Variants in THSD7A observed in about 807,000 individuals in gnomAD.
The protein encoded by THSD7A is thrombospondin type 1 domain containing 7A, also known as thrombospondin type-1 domain-containing protein 7A.
Under a neutral mutation model 231.3 loss-of-function variants are expected in THSD7A, and 96 were observed. The observed-to-expected ratio is 0.41, with a 90% CI of 0.35 to 0.49. THSD7A has a LOEUF of 0.49. Among genes scored for constraint, THSD7A ranks in the 20% least tolerant of loss-of-function variants. THSD7A has a pLI of 0.05. For missense variants in THSD7A, 2,290 were observed against 2,070.2 expected (o/e 1.11, Z -2.06); for synonymous variants, 940 against 743.3 (o/e 1.26, Z -4.30).
intron 1 of THSD7A, among the ~76,000 whole-genome samples, chr7:11,809,474 C>CT (rs1784475288): frequency 6.6e-6 from 1 of 152,206 alleles, no homozygotes; most frequent in Non-Finnish European, 1.5e-5. Flanking sequence ...AAGGACCTTT[C>CT]TTTTTTTGTG....
chr7:11,681,590 T>A (rs1783872363), intron 1 of THSD7A, among the ~76,000 whole-genome samples: 1 of 151,802 alleles, frequency 6.6e-6, no homozygotes, highest in African/African-American at 2.4e-5. Flanking sequence ...AAGACAAAAT[T>A]TTCTGAGAAC....
At chr7:11,667,407 G>A (rs1783183054) in intron 1 of THSD7A, among the ~76,000 whole-genome samples, 1 of 151,934 alleles carries the variant, frequency 6.6e-6, no homozygotes, top group Non-Finnish European at 1.5e-5. Flanking sequence ...CCTACAACAC[G>A]AGCGTTTGTA....
At chr7:11,385,726 T>A (rs1473667866) in intron 23 of THSD7A, 14 of 152,124 alleles carry the variant, frequency 9.2e-5, no homozygotes, top group Admixed American at 9.2e-4. Flanking sequence ...GTAACTTTAT[T>A]TTTAACTGGT....
chr7:11,726,214 G>A (rs906877881), intron 1 of THSD7A, among the ~76,000 whole-genome samples: 1 of 151,910 alleles, frequency 6.6e-6, no homozygotes, highest in Non-Finnish European at 1.5e-5. Context: ...TTTGGCAGCT[G>A]GAACCAGAGT....
In THSD7A at chr7:11,632,496, T is replaced by C. The variant is rs1781689061; in HGVS notation, c.1022+3634A>G. Among the ~76,000 whole-genome samples the C allele has an allele frequency of 6.6e-6, 1 of 152,168 alleles. No homozygotes were observed. The highest frequency in any genetic ancestry group is 1.5e-5 in the Non-Finnish European group (1 of 68,024). ...TATATTTTCAATTGATTAGCTGGAG[T>C]ATTCCAGAATTATCGTAACATCTGA... is the stretch of plus-strand genomic sequence containing the variant. On this transcript the variant is annotated intron_variant, in intron 2 of 27. Coordinates refer to ENST00000423059, the MANE Select transcript of THSD7A (RefSeq NM_015204.3). This position sits in a 1 kb window ranked among gnomAD's most constrained non-coding sequence, Gnocchi z 4.1.
chr7:11,397,537 C>A (rs749330379), intron 23 of THSD7A, among the ~76,000 whole-genome samples: 1 of 152,102 alleles, frequency 6.6e-6, no homozygotes, highest in Non-Finnish European at 1.5e-5. Flanking sequence ...AAAGCAATGG[C>A]CACAAAAGCC....
chr7:11,427,213 A>G (rs944713071), intron 14 of THSD7A, among the ~76,000 whole-genome samples: 2 of 152,194 alleles, frequency 1.3e-5, no homozygotes, highest in Non-Finnish European at 2.9e-5. Flanking sequence ...GTAAACACCT[A>G]TGTGATTTAC....
rs1784768282 is a variant in THSD7A at position 11,440,448 on chromosome 7, T to C, written c.3064+5613A>G. ...ATACTTGCCATAGTTATTCCTCCAA[T>C]GGATCCAGGCAAAGTATATTGAAAA... On this transcript the variant is annotated intron_variant, in intron 13 of 27. Transcript: ENST00000423059. Among the ~76,000 whole-genome samples the C allele has an allele frequency of 2.0e-5, 3 of 151,980 alleles. No homozygotes were observed. The South Asian group carries it at 6.2e-4, about 31-fold the overall frequency.
rs187175488 is a variant in THSD7A at position 11,632,692 on chromosome 7, G to A, written c.1022+3438C>T. Reference sequence around the variant, plus strand: ...TTCTAATGTTTCACAGTTGAGCACCGTCCCAGCTTTCAGTCTGATGTCTCT... The same window carrying A: ...TTCTAATGTTTCACAGTTGAGCACCATCCCAGCTTTCAGTCTGATGTCTCT... On this transcript the variant is annotated intron_variant, in intron 2 of 27. Transcript: ENST00000423059. The surrounding 1 kb of genome is among the most constrained non-coding windows in gnomAD (Gnocchi z 4.1). 9.9e-5 allele frequency among the ~76,000 whole-genome samples: 15 copies of A among 152,084 alleles called. No individual in the cohort carries two copies. The highest frequency in any genetic ancestry group is 3.6e-4 in the African/African-American group (15 of 41,502).
chr7:11,405,631 G>C (rs1335397130), intron 22 of THSD7A, among the ~76,000 whole-genome samples: 3 of 151,978 alleles, frequency 2.0e-5, no homozygotes, highest in Non-Finnish European at 4.4e-5. Flanking sequence ...GCTTATCACT[G>C]TCTGCCATTT....
At chr7:11,718,035 A>G (rs976490103) in intron 1 of THSD7A, among the ~76,000 whole-genome samples, 1 of 151,630 alleles carries the variant, frequency 6.6e-6, no homozygotes, top group African/African-American at 2.4e-5. Flanking sequence ...GATTATCACA[A>G]ATATATATGC....
intron 2 of THSD7A, 144 bp from the exon 3 acceptor site, chr7:11,593,646 TA>T: frequency 1.0e-6 from 1 of 995,114 alleles, no homozygotes; most frequent in Non-Finnish European, 1.5e-6. Flanking sequence ...CATCAACATT[TA>T]TGATGTGGAA....
At chr7:11,510,398 C>G (rs993946717) in intron 6 of THSD7A, among the ~76,000 whole-genome samples, 10 of 152,132 alleles carry the variant, frequency 6.6e-5, no homozygotes, top group East Asian at 3.9e-4. Context: ...AACAGAAAAA[C>G]AGGGAATCCT....
intron 4 of THSD7A, among the ~76,000 whole-genome samples, chr7:11,572,758 A>G (rs1288645398): frequency 6.6e-6 from 1 of 152,002 alleles, no homozygotes; most frequent in African/African-American, 2.4e-5. Context: ...CTCCTGCCTC[A>G]GCCTCCCAGA....
Position 11,700,976 on chromosome 7 carries a change from C to A in THSD7A, c.191-64015G>T, listed in dbSNP as rs565635192. ...ATTTAATTTTATTAATTTTATTTTA[C>A]AAGAAAACAAAAACTATCCTCCTTC... On this transcript the variant is annotated intron_variant, in intron 1 of 27. Coordinates refer to ENST00000423059, the MANE Select transcript of THSD7A (RefSeq NM_015204.3). Among the ~76,000 whole-genome samples the A allele has an allele frequency of 5.8e-4, 87 of 151,264 alleles. 2 individuals carry two copies. In the South Asian group the frequency reaches 0.014, roughly 23 times the overall value.
chr7:11,801,302 G>T (rs1784269129), intron 1 of THSD7A, among the ~76,000 whole-genome samples: 1 of 151,898 alleles, frequency 6.6e-6, no homozygotes, highest in Non-Finnish European at 1.5e-5. Context: ...CTTTCTTCCT[G>T]TCTTTCTCTC....
At chr7:11,546,198 G>GCGTGTGTGCGCA (rs1554335273) in intron 4 of THSD7A, among the ~76,000 whole-genome samples, 6 of 50,264 alleles carry the variant, frequency 1.2e-4, no homozygotes, top group African/African-American at 7.2e-4. Context: ...TGGTGTGGGC[G>GCGTGTGTGCGCA]CGCGCTCACA....
intron 11 of THSD7A, among the ~76,000 whole-genome samples, chr7:11,458,704 A>G (rs1463520966): frequency 2.0e-5 from 3 of 152,144 alleles, no homozygotes; most frequent in Non-Finnish European, 2.9e-5. Context: ...TTTATCACAG[A>G]GGGAGTGGGT....
chr7:11,646,450 G>A (rs1782285280), intron 1 of THSD7A, among the ~76,000 whole-genome samples: 1 of 152,004 alleles, frequency 6.6e-6, no homozygotes. Context: ...TGGATTGAAG[G>A]TAGCAACTAG....
Sources: allele counts gnomAD v4.1 joint callset (sites outside exome capture counted in the v4.1 genomes callset), GRCh38; gene constraint gnomAD v4.1.1; non-coding constraint Gnocchi (gnomAD v3.1); transcripts MANE v1.5; gene names NCBI Gene and HGNC (gene_info 2026-07-23, HGNC 2026-07-21).